Variants in SPAG9 observed in about 807,000 individuals in gnomAD.
SPAG9 encodes the protein C-Jun-amino-terminal kinase-interacting protein 4.
Under a neutral mutation model 166.5 loss-of-function variants are expected in SPAG9, and 35 were observed. The ratio of observed to expected loss-of-function variants is 0.21; its 90% CI spans 0.16 to 0.28. The LOEUF (loss-of-function observed/expected upper bound fraction) is 0.28, where lower values mean the gene tolerates loss of function less well. Among genes scored for constraint, SPAG9 ranks in the 10% least tolerant of loss-of-function variants. SPAG9 has a pLI of 1.00. For missense variants in SPAG9, 1,235 were observed against 1,603.3 expected, an observed-to-expected ratio of 0.77 and a Z score of 3.92; for synonymous variants, 534 against 565.5, an observed-to-expected ratio of 0.94 and a Z score of 0.79.
At position 50,984,778 on chromosome 17, in the gene SPAG9, C is replaced by T. The variant is rs1974916376; in HGVS notation, c.3088+145G>A. ...CTGTTAATGTATACCTCCATGCACG[C>T]ACTAATATATTTACTGATGTTGTGT... is the stretch of plus-strand genomic sequence containing the variant. On this transcript the variant is annotated intron_variant, in intron 24 of 29. Coordinates refer to ENST00000262013, the MANE Select transcript of SPAG9 (RefSeq NM_001130528.3). The T allele has an allele frequency of 4.2e-6, 3 of 709,292 alleles. No homozygotes were observed. The East Asian group carries it at 7.4e-5, about 18-fold the overall frequency. 43.9% of individuals were successfully genotyped at this position (709,292 alleles called of 1,614,324 possible). A position where few individuals can be genotyped will look rare whatever the true frequency, so the allele number is the denominator to read the frequency against.
chr17:50,995,050 C>T lies in SPAG9; in HGVS notation c.2226+7G>A. The T allele has an allele frequency of 6.2e-7, 1 of 1,607,816 alleles. No individual in the cohort carries two copies. The highest frequency in any genetic ancestry group is 1.1e-5 in the South Asian group (1 of 90,422). ...AAACCAGGTCAAATGTTAGTACACA[C>T]ACTTACCTTAAGTTCCTGATCTAAC... On this transcript the variant is annotated splice_region_variant and intron_variant, in intron 18 of 29. Transcript: ENST00000262013.
intron 29 of SPAG9, among the ~76,000 whole-genome samples, chr17:50,969,595 A>G (rs1973616878): frequency 6.6e-6 from 1 of 151,986 alleles, no homozygotes; most frequent in Non-Finnish European, 1.5e-5. Flanking sequence ...AAGGCCTCCC[A>G]TACTCCAGTC....
At chr17:50,968,246 G>A (rs181003346) in intron 29 of SPAG9, among the ~76,000 whole-genome samples, 2 of 152,248 alleles carry the variant, frequency 1.3e-5, no homozygotes, top group East Asian at 1.9e-4. Context: ...AGATATTGGT[G>A]ACACTAATCA....
In SPAG9 at chr17:50,964,627, T is replaced by G; in HGVS notation, c.*1645A>C. 3.0e-6 allele frequency: 1 copy of G among 329,984 alleles called. No homozygotes were observed. Among genetic ancestry groups the G allele is most frequent in the Non-Finnish European group, 6.0e-6 (1 of 165,800 alleles). The allele number at this position is 329,984 out of a possible 1,614,324, so 20.4% of individuals were successfully genotyped here. On this transcript the variant is annotated 3_prime_UTR_variant, in exon 30 of 30. Coordinates refer to ENST00000262013, the MANE Select transcript of SPAG9 (RefSeq NM_001130528.3). ...AAATCATATTTAGCTTTGCCTAGAG[T>G]AATAGATAAAAAAGGGTAAATCACA... is the stretch of plus-strand genomic sequence containing the variant.
chr17:51,075,771 C>T (rs1179469131), intron 2 of SPAG9, among the ~76,000 whole-genome samples: 3 of 152,030 alleles, frequency 2.0e-5, no homozygotes, highest in Non-Finnish European at 4.4e-5. Flanking sequence ...ATACAGTGAG[C>T]TATGATCGTG....
intron 1 of SPAG9, among the ~76,000 whole-genome samples, chr17:51,112,631 C>T (rs1598204224): frequency 7.4e-6 from 1 of 135,984 alleles, no homozygotes; most frequent in East Asian, 2.1e-4. Context: ...AGACACTCCA[C>T]TGCACTCCAG....
intron 6 of SPAG9, among the ~76,000 whole-genome samples, chr17:51,028,438 T>C (rs1598034203): frequency 6.6e-6 from 1 of 152,300 alleles, no homozygotes; most frequent in East Asian, 1.9e-4. Context: ...GGTATACCAT[T>C]TTAAATTTTT....
rs968259243 is a variant in SPAG9 at position 51,006,350 on chromosome 17, C to A, written c.1272-113G>T. On this transcript the variant is annotated intron_variant, in intron 10 of 29. Coordinates refer to ENST00000262013, the MANE Select transcript of SPAG9 (RefSeq NM_001130528.3). ...CATAGACAATAATAATTTAATACTT[C>A]AAGACATTCTACCCAATGTTGTTTG... The A allele has an allele frequency of 5.1e-6, 5 of 986,358 alleles. No individual in the cohort carries two copies. The African/African-American group carries it at 6.5e-5, about 13-fold the overall frequency. The allele number at this position is 986,358 out of a possible 1,614,324, so 61.1% of individuals were successfully genotyped here.
At chr17:51,049,809 G>A (rs1279061736) in intron 3 of SPAG9, among the ~76,000 whole-genome samples, 1 of 152,158 alleles carries the variant, frequency 6.6e-6, no homozygotes, top group Non-Finnish European at 1.5e-5. Flanking sequence ...TGTTGGCCAG[G>A]CTGGTCTCAA....
intron 1 of SPAG9, among the ~76,000 whole-genome samples, chr17:51,099,089 G>T (rs776395505): frequency 1.6e-5 from 2 of 126,106 alleles, no homozygotes; most frequent in Non-Finnish European, 3.2e-5. Context: ...GACAGAGCGA[G>T]ACTCCGTCTC....
At chr17:51,019,947 A>C (rs968854037) in intron 8 of SPAG9, among the ~76,000 whole-genome samples, 1 of 152,262 alleles carries the variant, frequency 6.6e-6, no homozygotes, top group South Asian at 2.1e-4. Flanking sequence ...CTTCCTGCTC[A>C]TACACCTAAT....
At chr17:51,028,781 C>T (rs2046284173) in intron 6 of SPAG9, among the ~76,000 whole-genome samples, 1 of 152,128 alleles carries the variant, frequency 6.6e-6, no homozygotes, top group Non-Finnish European at 1.5e-5. Context: ...ACATAAAGTT[C>T]CAGGGGAGTT....
Position 51,011,295 on chromosome 17 carries a change from C to CA in SPAG9, c.1213+2936dup, listed in dbSNP as rs112442746. 7.3e-3 allele frequency among the ~76,000 whole-genome samples: 819 copies of CA among 112,370 alleles called. 1 individual carries two copies. Among genetic ancestry groups the CA allele is most frequent in the African/African-American group, 0.017 (515 of 30,002 alleles). The allele number at this position is 112,370 out of a possible 152,430, so 73.7% of individuals were successfully genotyped here. A position where few individuals can be genotyped will look rare whatever the true frequency, so the allele number is the denominator to read the frequency against. ...TACACAACGTAGTGAGATCTCACCT[C>CA]AAAAAAAAAAAACAGTAATTGAAGT... On this transcript the variant is annotated intron_variant, in intron 9 of 29. Transcript: ENST00000262013.
intron 1 of SPAG9, among the ~76,000 whole-genome samples, chr17:51,100,482 T>C (rs2048778300): frequency 6.6e-6 from 1 of 152,074 alleles, no homozygotes; most frequent in Non-Finnish European, 1.5e-5. Context: ...GTGTCTGGCT[T>C]GATGCCTATA....
At chr17:51,069,812 A>C (rs904621298) in intron 2 of SPAG9, among the ~76,000 whole-genome samples, 21 of 152,320 alleles carry the variant, frequency 1.4e-4, no homozygotes, top group African/African-American at 4.8e-4. Flanking sequence ...AAGGAATGTT[A>C]CATGGGGGAC....
chr17:50,991,470 T>C (rs1157854771), intron 19 of SPAG9, among the ~76,000 whole-genome samples: 1 of 151,978 alleles, frequency 6.6e-6, no homozygotes, highest in African/African-American at 2.4e-5. Context: ...TAGAAAATTG[T>C]TTTATTTATA....
chr17:51,093,809 A>C (rs961238417), intron 1 of SPAG9, among the ~76,000 whole-genome samples: 3 of 152,050 alleles, frequency 2.0e-5, no homozygotes, highest in Non-Finnish European at 4.4e-5. Context: ...GTTGAGTGGA[A>C]GTCTAAAATC....
intron 1 of SPAG9, among the ~76,000 whole-genome samples, chr17:51,110,381 A>G (rs868000045): frequency 4.6e-5 from 7 of 151,160 alleles, no homozygotes; most frequent in Non-Finnish European, 8.8e-5. Flanking sequence ...AAAGTTTACT[A>G]ACCTTACAAA....
At chr17:51,013,753 C>T (rs1402432925) in intron 9 of SPAG9, among the ~76,000 whole-genome samples, 3 of 152,070 alleles carry the variant, frequency 2.0e-5, no homozygotes, top group Admixed American at 6.6e-5. Context: ...ATTATATTTA[C>T]CATAGGGCTA....
Sources: allele counts gnomAD v4.1 joint callset (sites outside exome capture counted in the v4.1 genomes callset), GRCh38; gene constraint gnomAD v4.1.1; transcripts MANE v1.5; gene names NCBI Gene and HGNC (gene_info 2026-07-23, HGNC 2026-07-21).